Variants in CRY1 observed in about 807,000 individuals in gnomAD.
The protein encoded by CRY1 is cryptochrome-1.
In CRY1, 45 loss-of-function variants were observed where a neutral mutation model predicts 76.0. The observed-to-expected ratio is 0.59, with a 90% CI of 0.47 to 0.76. The LOEUF (loss-of-function observed/expected upper bound fraction) is 0.76, where lower values mean the gene tolerates loss of function less well. Among genes scored for constraint, CRY1 ranks in the 30% least tolerant of loss-of-function variants. The pLI is 0.00. For synonymous variants in CRY1, 248 were observed against 244.0 expected, an observed-to-expected ratio of 1.02 and a Z score of -0.15; for missense variants, 587 against 716.4, an observed-to-expected ratio of 0.82 and a Z score of 2.06.
At chr12:107,064,193 T>C (rs576219541) in intron 1 of CRY1, among the ~76,000 whole-genome samples, 47 of 152,236 alleles carry the variant, frequency 3.1e-4, no homozygotes, top group Admixed American at 2.4e-3. Context: ...GTAGAGACAC[T>C]ATGCTAAGTG....
At chr12:107,038,476 T>C (rs1291062194) in intron 1 of CRY1, among the ~76,000 whole-genome samples, 1 of 151,926 alleles carries the variant, frequency 6.6e-6, no homozygotes, top group Non-Finnish European at 1.5e-5. Flanking sequence ...GATGGATGGA[T>C]TGACTTATAA....
chr12:107,072,720 T>C (rs751759436), intron 1 of CRY1, among the ~76,000 whole-genome samples: 13 of 152,216 alleles, frequency 8.5e-5, no homozygotes, highest in Non-Finnish European at 1.6e-4. Flanking sequence ...TATGTGCATA[T>C]ATGCACATTT....
At chr12:107,061,349 T>C (rs1298286980) in intron 1 of CRY1, among the ~76,000 whole-genome samples, 1 of 151,730 alleles carries the variant, frequency 6.6e-6, no homozygotes, top group African/African-American at 2.4e-5. Flanking sequence ...ATTCAGGAAA[T>C]AGTAATAAAC....
chr12:107,035,268 C>T (rs535756548), intron 1 of CRY1, among the ~76,000 whole-genome samples: 1 of 152,136 alleles, frequency 6.6e-6, no homozygotes, highest in South Asian at 2.1e-4. Context: ...AGATTTTTCT[C>T]GTACTGACAT....
intron 1 of CRY1, among the ~76,000 whole-genome samples, chr12:107,042,268 T>C (rs1593520859): frequency 1.3e-5 from 2 of 152,180 alleles, no homozygotes; most frequent in Admixed American, 1.3e-4. Context: ...AGATCTACTG[T>C]TGAATACTAA....
At chr12:107,086,901 A>T (rs1249439215) in intron 1 of CRY1, among the ~76,000 whole-genome samples, 1 of 152,222 alleles carries the variant, frequency 6.6e-6, no homozygotes, top group African/African-American at 2.4e-5. Flanking sequence ...ACTGCCCTCC[A>T]GGACCCACAG....
intron 5 of CRY1, among the ~76,000 whole-genome samples, chr12:107,000,682 C>T (rs1952298188): frequency 6.6e-6 from 1 of 151,792 alleles, no homozygotes; most frequent in Non-Finnish European, 1.5e-5. Context: ...TGGAGTCTCA[C>T]TCCATCACCC....
chr12:107,001,977 A>G, intron 3 of CRY1, 29 bp from the exon 4 acceptor site: 1 of 1,534,118 alleles, frequency 6.5e-7, no homozygotes, highest in Non-Finnish European at 8.7e-7. Flanking sequence ...AAATGTAGTT[A>G]GTATTAAAAA....
chr12:107,086,442 G>T (rs984167186), intron 1 of CRY1, among the ~76,000 whole-genome samples: 2 of 152,168 alleles, frequency 1.3e-5, no homozygotes, highest in African/African-American at 2.4e-5. Flanking sequence ...ATGGGGAAAA[G>T]CCCCCAAGAC....
intron 3 of CRY1, among the ~76,000 whole-genome samples, chr12:107,003,807 AT>A (rs200134178): frequency 0.15 from 20,391 of 138,862 alleles, 1,983 homozygotes; most frequent in African/African-American, 0.3. Flanking sequence ...TAAACACTTG[AT>A]TTTTTTTTTT....
intron 1 of CRY1, among the ~76,000 whole-genome samples, chr12:107,047,907 A>G (rs1952868921): frequency 6.6e-6 from 1 of 152,174 alleles, no homozygotes; most frequent in Admixed American, 6.5e-5. Context: ...AAAACCAATC[A>G]AGGTTGGTGC....
rs575093808 is a variant in CRY1, at chr12:106,999,952, A to T, written c.815T>A (p.Leu272His). 1 of 1,605,426 alleles carries T rather than the reference A, an allele frequency of 6.2e-7. No homozygotes were observed. The highest frequency in any genetic ancestry group is 1.3e-5 in the African/African-American group (1 of 74,394). Residue 272 changes from leucine (L) to histidine (H), a missense_variant, in exon 6 of 13, where the codon CTC becomes CAC. Physicochemically the swap from Leu to His is moderately conservative, Grantham distance 99 (BLOSUM62 -3). Transcript: ENST00000008527. ...CRLFYFKLTDLYKKVKKNSSP... is the reference protein window; with the variant it reads ...CRLFYFKLTDHYKKVKKNSSP... Reference sequence around the variant, plus strand: ...AATTTTAGAGAATACCTTTTTGTAGAGATCTGTTAGTTTGAAGTAAAACAG... The same window carrying T: ...AATTTTAGAGAATACCTTTTTGTAGTGATCTGTTAGTTTGAAGTAAAACAG...
chr12:107,085,364 G>A (rs939785151), intron 1 of CRY1, among the ~76,000 whole-genome samples: 24 of 152,198 alleles, frequency 1.6e-4, no homozygotes, highest in African/African-American at 5.5e-4. Context: ...ACAGGCACAT[G>A]TATGTTTATT....
intron 3 of CRY1, among the ~76,000 whole-genome samples, chr12:107,003,915 T>C (rs1952341176): frequency 6.6e-6 from 1 of 151,454 alleles, no homozygotes; most frequent in South Asian, 2.1e-4. Context: ...CAAGTGATTC[T>C]CCTCCCTCAG....
In CRY1 at chr12:107,069,414, A is replaced by G. The variant is rs565284928; in HGVS notation, c.158+23390T>C. 2.0e-5 allele frequency among the ~76,000 whole-genome samples: 3 copies of G among 150,682 alleles called. No homozygotes were observed. In the East Asian group the frequency reaches 5.8e-4, roughly 29 times the overall value. On this transcript the variant is annotated intron_variant, in intron 1 of 12. Transcript: ENST00000008527. ...TAATTTTTTGTATAAAATTTTTTCA[A>G]TAATAGTCATTTTGGTGCATATGAA...
In CRY1 at chr12:107,007,976, T is replaced by C. The variant is rs1952395149; in HGVS notation, c.268-2728A>G. ...AAAGATAAAAATATCAGCCATATTA[T>C]TAGCAAAGCTGAATTGTAGAAAACA... On this transcript the variant is annotated intron_variant, in intron 2 of 12. Transcript: ENST00000008527. Among the ~76,000 whole-genome samples the C allele has an allele frequency of 2.6e-5, 4 of 152,372 alleles. No individual in the cohort carries two copies. The South Asian group carries it at 8.3e-4, about 32-fold the overall frequency.
intron 1 of CRY1, among the ~76,000 whole-genome samples, chr12:107,087,195 T>C (rs767631382): frequency 6.6e-6 from 1 of 151,954 alleles, no homozygotes; most frequent in Non-Finnish European, 1.5e-5. Context: ...AACCAAGCCA[T>C]AGAGATGCAG....
At chr12:107,002,904 G>C (rs988190390) in intron 3 of CRY1, among the ~76,000 whole-genome samples, 17 of 152,170 alleles carry the variant, frequency 1.1e-4, no homozygotes, top group African/African-American at 3.6e-4. Flanking sequence ...GACATGACTT[G>C]CTCCTCCTTG....
Position 107,009,563 on chromosome 12 carries a change from CATATATATATATAT to C in CRY1, c.268-4329_268-4316del, listed in dbSNP as rs869185018. 2.2e-4 allele frequency among the ~76,000 whole-genome samples: 20 copies of C among 90,962 alleles called. 1 individual carries two copies. Among genetic ancestry groups the C allele is most frequent in the African/African-American group, 5.1e-4 (10 of 19,580 alleles). The allele number at this position is 90,962 out of a possible 152,430, so 59.7% of individuals were successfully genotyped here. ...CAGAAAAAACAAAAAAACAAAAAAA[CATATATATATATAT>C]ATATATATATATATATATATATATA... is the stretch of plus-strand genomic sequence containing the variant. On this transcript the variant is annotated intron_variant, in intron 2 of 12. Coordinates refer to ENST00000008527, the MANE Select transcript of CRY1 (RefSeq NM_004075.5).
Sources: gnomAD v4.1 joint callset for allele counts (sites outside exome capture counted in the v4.1 genomes callset) on GRCh38, gnomAD v4.1.1 for gene constraint, MANE v1.5 for transcripts, NCBI Gene and HGNC (gene_info 2026-07-23, HGNC 2026-07-21) for gene names.